Variants in PLA2R1 observed in about 807,000 individuals in gnomAD.
The protein encoded by PLA2R1 is phospholipase A2 receptor 1, also known as secretory phospholipase A2 receptor.
PLA2R1 carries 158 observed loss-of-function variants against 195.9 expected under a neutral mutation model. That is an observed-to-expected ratio of 0.81 (90% CI 0.71 to 0.92). PLA2R1 has a LOEUF of 0.92. Ranked by LOEUF, PLA2R1 falls within the 40% of genes least tolerant of loss-of-function variation. PLA2R1 has a pLI of 0.00. For synonymous variants in PLA2R1, 586 were observed against 598.2 expected (o/e 0.98, Z 0.30); for missense variants, 1,626 against 1,764.6 (o/e 0.92, Z 1.41).
chr2:159,942,617 T>G (rs1170585743), intron 28 of PLA2R1, among the ~76,000 whole-genome samples: 6 of 152,224 alleles, frequency 3.9e-5, no homozygotes, highest in Non-Finnish European at 7.3e-5. Context: ...TCTGCCTGAC[T>G]CTTTGTAAGG....
intron 4 of PLA2R1, among the ~76,000 whole-genome samples, chr2:160,030,505 T>G (rs1693787381): frequency 6.6e-6 from 1 of 152,230 alleles, no homozygotes. Flanking sequence ...TTAATTATTC[T>G]TATCTTAGAA....
At chr2:160,021,153 A>G (rs988240444) in intron 7 of PLA2R1, among the ~76,000 whole-genome samples, 3 of 152,220 alleles carry the variant, frequency 2.0e-5, no homozygotes, top group Non-Finnish European at 4.4e-5. Context: ...ATGCAAAAAA[A>G]GGAACACTTA....
chr2:159,949,364 G>A (rs899420312), intron 25 of PLA2R1, among the ~76,000 whole-genome samples: 2 of 152,064 alleles, frequency 1.3e-5, no homozygotes, highest in African/African-American at 4.8e-5. Context: ...TGTCCTTCAA[G>A]AAGCCTTTCT....
chr2:160,033,496 A>G (rs1285072919), intron 3 of PLA2R1, among the ~76,000 whole-genome samples: 2 of 152,224 alleles, frequency 1.3e-5, no homozygotes, highest in Non-Finnish European at 2.9e-5. Flanking sequence ...GTAACTTTAA[A>G]TGTTCATTTT....
At chr2:160,003,222 A>G (rs1691725688) in intron 11 of PLA2R1, among the ~76,000 whole-genome samples, 2 of 152,142 alleles carry the variant, frequency 1.3e-5, no homozygotes, top group African/African-American at 4.8e-5. Flanking sequence ...TACATTTAAA[A>G]AGCCAAACTA....
chr2:159,975,998 C>T lies in PLA2R1; in HGVS notation c.2595+70G>A, dbSNP rs1366668695. 2.6e-5 allele frequency: 26 copies of T among 1,008,686 alleles called. No homozygotes were observed. In the East Asian group the frequency reaches 5.9e-4, roughly 23 times the overall value. The allele number at this position is 1,008,686 out of a possible 1,614,324, so 62.5% of individuals were successfully genotyped here. A position where few individuals can be genotyped will look rare whatever the true frequency, so the allele number is the denominator to read the frequency against. Reference sequence around the variant, plus strand: ...CGAAGTCAAATCGAAAAAACTATCCCTCCCTCCCTCCCAAGGGCAAAAGAA... The same window carrying T: ...CGAAGTCAAATCGAAAAAACTATCCTTCCCTCCCTCCCAAGGGCAAAAGAA... On this transcript the variant is annotated intron_variant, in intron 17 of 29. Coordinates refer to ENST00000283243, the MANE Select transcript of PLA2R1 (RefSeq NM_007366.5).
At chr2:159,929,009 A>G (rs1686535877), downstream of PLA2R1, among the ~76,000 whole-genome samples, 1 of 152,214 alleles carries the variant, frequency 6.6e-6, no homozygotes, top group African/African-American at 2.4e-5. Flanking sequence ...ACTCAAGATG[A>G]ATCAAGGACT....
chr2:159,997,177 G>A (rs1043161111), intron 11 of PLA2R1, among the ~76,000 whole-genome samples: 1 of 152,106 alleles, frequency 6.6e-6, no homozygotes, highest in African/African-American at 2.4e-5. Flanking sequence ...GGTGTGAGAG[G>A]AGGGGAAGCG....
At chr2:159,969,896 G>GAATAAATA (rs1333295353) in intron 18 of PLA2R1, among the ~76,000 whole-genome samples, 2 of 152,044 alleles carry the variant, frequency 1.3e-5, no homozygotes, top group Non-Finnish European at 2.9e-5. Context: ...ATGAATTAGT[G>GAATAAATA]AATAAATAAA....
At chr2:159,962,895 C>T (rs1688545786) in intron 20 of PLA2R1, among the ~76,000 whole-genome samples, 1 of 151,722 alleles carries the variant, frequency 6.6e-6, no homozygotes, top group South Asian at 2.1e-4. Flanking sequence ...GACTGGGGGC[C>T]TAGGGGAGGG....
rs549474610 is a variant in PLA2R1 at position 160,003,756 on chromosome 2, G to A, written c.1834+1896C>T. Among the ~76,000 whole-genome samples the A allele has an allele frequency of 2.2e-4, 33 of 152,280 alleles. 1 individual carries two copies. The South Asian group carries it at 6.8e-3, about 32-fold the overall frequency. ...TTTAGGCCAACATGCTCATAGTTAT[G>A]CACAGCGACATCAACATAGAGATAT... On this transcript the variant is annotated intron_variant, in intron 11 of 29. Transcript: ENST00000283243.
At chr2:160,012,594 A>G (rs1692436915) in intron 10 of PLA2R1, among the ~76,000 whole-genome samples, 1 of 149,546 alleles carries the variant, frequency 6.7e-6, no homozygotes. Flanking sequence ...ACTCACATAC[A>G]TTACATCAAA....
At chr2:159,962,643 A>C (rs1420529754) in intron 20 of PLA2R1, among the ~76,000 whole-genome samples, 1 of 152,240 alleles carries the variant, frequency 6.6e-6, no homozygotes, top group East Asian at 1.9e-4. Context: ...CCAAATGTCC[A>C]TCAATGATAG....
At chr2:159,927,822 C>G (rs1335226177), downstream of PLA2R1, among the ~76,000 whole-genome samples, 1 of 152,186 alleles carries the variant, frequency 6.6e-6, no homozygotes, top group African/African-American at 2.4e-5. Context: ...AGTCACACTG[C>G]AAGACACCCA....
At chr2:160,055,121 A>C (rs13027101) in intron 1 of PLA2R1, among the ~76,000 whole-genome samples, 32,143 of 152,144 alleles carry the variant, frequency 0.21, 3,684 homozygotes, top group Admixed American at 0.34. Context: ...GTGACAACCA[A>C]CAATAGGAAA....
intron 9 of PLA2R1, among the ~76,000 whole-genome samples, chr2:160,016,263 CAAAAAAAAAAAAA>C (rs2105447046): frequency 9.7e-6 from 1 of 103,158 alleles, no homozygotes; most frequent in South Asian, 3.3e-4. Flanking sequence ...GACTCTGTCT[CAAAAAAAAAAAAA>C]GAAAAAGAAA....
the PLA2R1 span, among the ~76,000 whole-genome samples, chr2:159,925,824 T>C: frequency 0.27 from 40,969 of 152,080 alleles, 5,988 homozygotes; most frequent in South Asian, 0.44. Context: ...CTTTCTTAGA[T>C]GGGATTGGCA....
rs749455053 is a variant in PLA2R1, at chr2:160,022,745, G to T, written c.1214C>A (p.Ser405Tyr). The T allele has an allele frequency of 6.2e-7, 1 of 1,613,640 alleles. No individual in the cohort carries two copies. The highest frequency in any genetic ancestry group is 1.7e-5 in the Admixed American group (1 of 60,010). ...TAATGCACTGTTATCAGCCTGACAA[G>T]AACGCAGAGCCTCATGCCAGGTCTT... ...EEKTWHEALR[S>Y]CQADNSALID... The change falls in exon 7 of 30, where the codon TCT becomes TAT. Residue 405 changes from serine (S) to tyrosine (Y), a missense_variant. By Grantham distance (144) the Ser-to-Tyr change is moderately radical. Coordinates refer to ENST00000283243, the MANE Select transcript of PLA2R1 (RefSeq NM_007366.5).
chr2:159,997,043 T>C (rs79863032), intron 11 of PLA2R1, among the ~76,000 whole-genome samples: 2,202 of 152,322 alleles, frequency 0.014, 26 homozygotes, highest in Non-Finnish European at 0.023. Context: ...CTGATGCTTG[T>C]TCTGTCTCTT....
Sources: allele counts gnomAD v4.1 joint callset (sites outside exome capture counted in the v4.1 genomes callset), GRCh38; gene constraint gnomAD v4.1.1; transcripts MANE v1.5; gene names NCBI Gene and HGNC (gene_info 2026-07-23, HGNC 2026-07-21).